The following ROBO2 variants were observed in gnomAD, a reference collection of about 807,000 sequenced individuals.
The protein encoded by ROBO2 is roundabout homolog 2.
Under a neutral mutation model 160.8 loss-of-function variants are expected in ROBO2, and 53 were observed. The ratio of observed to expected loss-of-function variants is 0.33; its 90% CI spans 0.26 to 0.41. The LOEUF is 0.41. Ranked by LOEUF, ROBO2 falls within the 10% of genes least tolerant of loss-of-function variation. The pLI is 1.00. For missense variants in ROBO2, 1,577 were observed against 1,722.4 expected (o/e 0.92, Z 1.49); for synonymous variants, 664 against 611.7 (o/e 1.09, Z -1.26).
At chr3:76,571,141 T>C (rs1200514090) in intron 2 of ROBO2, among the ~76,000 whole-genome samples, 1 of 152,156 alleles carries the variant, frequency 6.6e-6, no homozygotes, top group Non-Finnish European at 1.5e-5. Context: ...TAAATAAATA[T>C]TAAGTATTAT....
At chr3:76,910,623 G>T (rs2075914186) in intron 2 of ROBO2, among the ~76,000 whole-genome samples, 1 of 151,064 alleles carries the variant, frequency 6.6e-6, no homozygotes, top group African/African-American at 2.4e-5. Context: ...CTACTCGGGA[G>T]GCTGAGGCAG....
At chr3:77,640,096 C>CTTT (rs1559785171) in intron 24 of ROBO2, among the ~76,000 whole-genome samples, 12 of 97,472 alleles carry the variant, frequency 1.2e-4, no homozygotes, top group Non-Finnish European at 2.2e-4. Context: ...GCAGAGGAAG[C>CTTT]ATTTTTTTTT....
intron 2 of ROBO2, among the ~76,000 whole-genome samples, chr3:76,832,880 A>G (rs554877718): frequency 6.6e-6 from 1 of 152,282 alleles, no homozygotes; most frequent in South Asian, 2.1e-4. Context: ...TTTTAGAAGT[A>G]TATAAATTGA....
At chr3:76,772,480 T>C (rs2061967759) in intron 2 of ROBO2, among the ~76,000 whole-genome samples, 1 of 148,328 alleles carries the variant, frequency 6.7e-6, no homozygotes, top group East Asian at 2.0e-4. Flanking sequence ...TTATTGCTCT[T>C]CTCTCCCCAC....
chr3:77,379,030 C>T (rs2073085068), intron 2 of ROBO2, among the ~76,000 whole-genome samples: 1 of 152,096 alleles, frequency 6.6e-6, no homozygotes, highest in African/African-American at 2.4e-5. Flanking sequence ...TCGCTGCAAC[C>T]TCTGCCTCCC....
intron 2 of ROBO2, among the ~76,000 whole-genome samples, chr3:76,229,321 A>G (rs940564686): frequency 6.6e-6 from 1 of 152,120 alleles, no homozygotes; most frequent in East Asian, 1.9e-4. Flanking sequence ...TAGCAAATCT[A>G]AAGTCTCTAT....
At chr3:76,044,553 TCA>T (rs2067385911) in intron 2 of ROBO2, among the ~76,000 whole-genome samples, 2 of 151,842 alleles carry the variant, frequency 1.3e-5, no homozygotes, top group African/African-American at 4.9e-5. Flanking sequence ...ATTCATTCAT[TCA>T]TTCATTCATT....
At chr3:76,299,115 G>A (rs751916151) in intron 2 of ROBO2, among the ~76,000 whole-genome samples, 2 of 152,148 alleles carry the variant, frequency 1.3e-5, no homozygotes, top group Non-Finnish European at 2.9e-5. Flanking sequence ...CTGTTTGCAA[G>A]GAGCTCACAT....
chr3:76,326,651 G>C (rs975934978), intron 2 of ROBO2, among the ~76,000 whole-genome samples: 23 of 150,946 alleles, frequency 1.5e-4, no homozygotes, highest in Non-Finnish European at 3.0e-4. Flanking sequence ...TAAGTTTTAG[G>C]GTACATGTGC....
At chr3:76,484,126 T>C (rs1577530302) in intron 2 of ROBO2, among the ~76,000 whole-genome samples, 1 of 152,154 alleles carries the variant, frequency 6.6e-6, no homozygotes, top group Admixed American at 6.6e-5. Flanking sequence ...CTTAAGGTCT[T>C]TGAGGAATCA....
chr3:76,296,843 T>C (rs1709100973), intron 2 of ROBO2, among the ~76,000 whole-genome samples: 1 of 152,186 alleles, frequency 6.6e-6, no homozygotes, highest in Admixed American at 6.5e-5. Flanking sequence ...GCGGGTAGCT[T>C]GATGGAATCA....
intron 2 of ROBO2, among the ~76,000 whole-genome samples, chr3:76,121,905 T>G (rs72894580): frequency 0.016 from 2,386 of 152,324 alleles, 63 homozygotes; most frequent in African/African-American, 0.052. Context: ...AGATTTTTAC[T>G]TGACTATTTA....
chr3:76,962,618 A>G (rs1036207459), intron 2 of ROBO2, among the ~76,000 whole-genome samples: 4 of 150,274 alleles, frequency 2.7e-5, no homozygotes, highest in Non-Finnish European at 4.4e-5. Context: ...AGCCTGGGCA[A>G]CAAGAGTGAA....
chr3:76,536,820 A>T lies in ROBO2; in HGVS notation c.110-561194A>T, dbSNP rs750510532. On this transcript the variant is annotated intron_variant, in intron 2 of 26. Coordinates refer to the ROBO2 transcript ENST00000487694. ...AACATTGGAATTCCTGTATATATTT[A>T]GTGGGGTCTGATGAGAAAGAGCCCA... 2.0e-5 allele frequency among the ~76,000 whole-genome samples: 3 copies of T among 152,178 alleles called. No individual in the cohort carries two copies. In the South Asian group the frequency reaches 6.2e-4, roughly 32 times the overall value.
chr3:76,712,265 AT>A (rs2093309246), intron 2 of ROBO2, among the ~76,000 whole-genome samples: 1 of 152,010 alleles, frequency 6.6e-6, no homozygotes, highest in Non-Finnish European at 1.5e-5. Context: ...GGTCCTTGTG[AT>A]TTCTGTGTGC....
At chr3:76,147,750 A>G (rs2071973840) in intron 2 of ROBO2, among the ~76,000 whole-genome samples, 1 of 151,888 alleles carries the variant, frequency 6.6e-6, no homozygotes, top group African/African-American at 2.4e-5. Context: ...GGGCTGGAGT[A>G]TTATGGGGCA....
chr3:77,237,787 G>A (rs2088301805), intron 2 of ROBO2, among the ~76,000 whole-genome samples: 1 of 152,106 alleles, frequency 6.6e-6, no homozygotes, highest in South Asian at 2.1e-4. Context: ...CATCATAAAA[G>A]TATGTTTAGT....
At chr3:76,414,824 C>CA (rs1287925936) in intron 2 of ROBO2, among the ~76,000 whole-genome samples, 4 of 148,820 alleles carry the variant, frequency 2.7e-5, no homozygotes, top group African/African-American at 7.4e-5. Context: ...GAAAACAACA[C>CA]AAAAAACAGC....
intron 2 of ROBO2, among the ~76,000 whole-genome samples, chr3:76,400,393 T>G (rs1020433040): frequency 2.6e-5 from 4 of 151,730 alleles, no homozygotes; most frequent in African/African-American, 9.6e-5. Flanking sequence ...CAAAGTTATC[T>G]TTGAGTGGCA....
Sources: gnomAD v4.1 joint callset for allele counts (sites outside exome capture counted in the v4.1 genomes callset) on GRCh38, gnomAD v4.1.1 for gene constraint, MANE v1.5 for transcripts, NCBI Gene and HGNC (gene_info 2026-07-23, HGNC 2026-07-21) for gene names.